ROBO2: variants seen among roughly 807,000 people sequenced by gnomAD.
The protein encoded by ROBO2 is roundabout guidance receptor 2.
Under a neutral mutation model 160.8 loss-of-function variants are expected in ROBO2, and 53 were observed. The ratio of observed to expected loss-of-function variants is 0.33; its 90% CI spans 0.26 to 0.41. The LOEUF (loss-of-function observed/expected upper bound fraction) is 0.41, where lower values mean the gene tolerates loss of function less well. Among genes scored for constraint, ROBO2 ranks in the 10% least tolerant of loss-of-function variants. The pLI is 1.00. For synonymous variants in ROBO2, 664 were observed against 611.7 expected, an observed-to-expected ratio of 1.09 and a Z score of -1.26; for missense variants, 1,577 against 1,722.4, an observed-to-expected ratio of 0.92 and a Z score of 1.49.
intron 2 of ROBO2, among the ~76,000 whole-genome samples, chr3:77,193,470 G>A (rs753513410): frequency 1.4e-5 from 2 of 143,522 alleles, no homozygotes; most frequent in Non-Finnish European, 3.1e-5. Flanking sequence ...TTTAAAGACA[G>A]GGTCTTGCTA....
chr3:76,236,618 A>C (rs934311756), intron 2 of ROBO2, among the ~76,000 whole-genome samples: 1 of 152,280 alleles, frequency 6.6e-6, no homozygotes. Context: ...TAAATCTTAC[A>C]AATGACAACA....
intron 2 of ROBO2, among the ~76,000 whole-genome samples, chr3:76,185,210 A>ATC: frequency 9.4e-6 from 1 of 106,498 alleles, no homozygotes; most frequent in African/African-American, 3.1e-5. Context: ...ATATATATAT[A>ATC]TATATACACA....
At chr3:77,238,566 A>G (rs903257575) in intron 2 of ROBO2, among the ~76,000 whole-genome samples, 1 of 152,284 alleles carries the variant, frequency 6.6e-6, no homozygotes, top group Non-Finnish European at 1.5e-5. Flanking sequence ...TGAATGAAAA[A>G]ATATTTCTAT....
rs141011036 is a variant in ROBO2 at position 76,680,687 on chromosome 3, A to G, written c.110-417327A>G. Among the ~76,000 whole-genome samples the G allele has an allele frequency of 1.7e-3, 256 of 152,304 alleles. 10 individuals carry two copies. The South Asian group carries it at 0.034, about 20-fold the overall frequency. On this transcript the variant is annotated intron_variant, in intron 2 of 26. Coordinates refer to the ROBO2 transcript ENST00000487694. ...GTTTTAAAATCCTAAGGAGAAGATT[A>G]GAAATATTGTTGTCAAATATCACAA...
intron 2 of ROBO2, among the ~76,000 whole-genome samples, chr3:76,853,968 C>A (rs2148559304): frequency 6.6e-6 from 1 of 150,772 alleles, no homozygotes; most frequent in Admixed American, 6.6e-5. Flanking sequence ...AGTCTCTTTG[C>A]AGTCTTCTGG....
At chr3:75,920,956 C>T (rs1947017393) in intron 1 of ROBO2, among the ~76,000 whole-genome samples, 1 of 151,942 alleles carries the variant, frequency 6.6e-6, no homozygotes, top group Admixed American at 6.6e-5. Context: ...CTGAATACAG[C>T]ACACCTCTGG....
chr3:76,525,845 A>T (rs553803137), intron 2 of ROBO2, among the ~76,000 whole-genome samples: 1 of 152,110 alleles, frequency 6.6e-6, no homozygotes, highest in South Asian at 2.1e-4. Context: ...GGCAATTGCT[A>T]TTTATTATGC....
At chr3:77,258,868 G>T (rs866735501) in intron 2 of ROBO2, among the ~76,000 whole-genome samples, 1 of 152,158 alleles carries the variant, frequency 6.6e-6, no homozygotes, top group Non-Finnish European at 1.5e-5. Flanking sequence ...TTAATTCATG[G>T]ATGCTTTGCA....
chr3:77,071,150 T>C (rs1228157284), intron 1 of ROBO2, among the ~76,000 whole-genome samples: 2 of 152,188 alleles, frequency 1.3e-5, no homozygotes, highest in African/African-American at 2.4e-5. Flanking sequence ...CAGCTACTGT[T>C]AGCAGTTTTA....
At chr3:76,682,116 T>G (rs1007068165) in intron 2 of ROBO2, among the ~76,000 whole-genome samples, 4 of 152,064 alleles carry the variant, frequency 2.6e-5, no homozygotes, top group African/African-American at 9.7e-5. Context: ...TTTTTGTATG[T>G]GGTATTCATG....
intron 2 of ROBO2, among the ~76,000 whole-genome samples, chr3:77,018,830 C>G (rs916248048): frequency 7.9e-5 from 12 of 152,106 alleles, no homozygotes; most frequent in African/African-American, 2.7e-4. Context: ...AGACCGAAAC[C>G]AGAATGGTGG....
chr3:77,580,245 C>T (rs949079323), intron 16 of ROBO2, 127 bp downstream of exon 17: 10 of 895,770 alleles, frequency 1.1e-5, no homozygotes, highest in African/African-American at 9.8e-5. Flanking sequence ...ATCATATTGA[C>T]AAATGGGTTA....
At chr3:77,002,065 T>G (rs1452477566) in intron 2 of ROBO2, among the ~76,000 whole-genome samples, 4 of 152,138 alleles carry the variant, frequency 2.6e-5, no homozygotes, top group Non-Finnish European at 5.9e-5. Context: ...AATCTTGTAT[T>G]ACTAATTATC....
chr3:76,123,056 A>C (rs1168578552), intron 2 of ROBO2, among the ~76,000 whole-genome samples: 1 of 151,794 alleles, frequency 6.6e-6, no homozygotes, highest in Non-Finnish European at 1.5e-5. Context: ...CTGTTTTCAT[A>C]TTTTCTTTCA....
Position 76,094,971 on chromosome 3 carries a change from A to G in ROBO2, c.109+157369A>G, listed in dbSNP as rs184469262. The stretch of plus-strand genomic sequence containing the variant: ...TGACTTCTGAGTTAGGTGGCGGTAA[A>G]GCTTTTAAAGATTATATAATATAAA... On this transcript the variant is annotated intron_variant, in intron 2 of 26. Coordinates refer to the ROBO2 transcript ENST00000487694. Among the ~76,000 whole-genome samples the G allele has an allele frequency of 2.6e-5, 4 of 152,298 alleles. No homozygotes were observed. The East Asian group carries it at 7.7e-4, about 29-fold the overall frequency.
At chr3:77,222,866 C>T (rs2086000579) in intron 2 of ROBO2, among the ~76,000 whole-genome samples, 1 of 152,174 alleles carries the variant, frequency 6.6e-6, no homozygotes, top group Admixed American at 6.5e-5. Flanking sequence ...AAAAAGCAGA[C>T]ATCTGGTGTA....
At chr3:76,835,442 A>C (rs963614380) in intron 2 of ROBO2, among the ~76,000 whole-genome samples, 94 of 148,074 alleles carry the variant, frequency 6.3e-4, no homozygotes, top group Admixed American at 2.0e-3. Flanking sequence ...CATATAATGT[A>C]ATACATTATA....
intron 2 of ROBO2, among the ~76,000 whole-genome samples, chr3:77,342,072 A>G (rs1388345855): frequency 1.3e-5 from 2 of 152,190 alleles, no homozygotes; most frequent in Admixed American, 6.6e-5. Flanking sequence ...TATTTGATGT[A>G]TAATGACAGG....
intron 2 of ROBO2, among the ~76,000 whole-genome samples, chr3:76,287,519 C>T (rs1409474557): frequency 2.0e-5 from 3 of 151,978 alleles, no homozygotes; most frequent in East Asian, 3.9e-4. Flanking sequence ...AGACTGGTCT[C>T]GAACTCCTGA....
Sources: gnomAD v4.1 joint callset for allele counts (sites outside exome capture counted in the v4.1 genomes callset) on GRCh38, gnomAD v4.1.1 for gene constraint, MANE v1.5 for transcripts, NCBI Gene and HGNC (gene_info 2026-07-23, HGNC 2026-07-21) for gene names.